Variants in STRBP observed in about 807,000 individuals in gnomAD.
The protein encoded by STRBP is spermatid perinuclear RNA binding protein.
In STRBP, 13 loss-of-function variants were observed where a neutral mutation model predicts 80.1. That is an observed-to-expected ratio of 0.16 (90% confidence interval 0.11 to 0.26). STRBP has a LOEUF of 0.26. Ranked by LOEUF, STRBP falls within the 10% of genes least tolerant of loss-of-function variation. STRBP has a pLI of 1.00. For synonymous variants in STRBP, 284 were observed against 291.2 expected (o/e 0.98, Z 0.25); for missense variants, 485 against 815.2 (o/e 0.59, Z 4.93).
Position 123,115,980 on chromosome 9 carries a change from C to T in STRBP, c.*33G>A, listed in dbSNP as rs1398893189. On this transcript the variant is annotated 3_prime_UTR_variant and NMD_transcript_variant, in exon 3 of 4. Transcript: ENST00000471564. The surrounding 1 kb of genome is among the most constrained non-coding windows in gnomAD (Gnocchi z 5.0). ...AGGTCTCCTCTTCACCAGCCTTAAC[C>T]TTCTGGTCCTTCCATCTCATTTCAA... is the stretch of plus-strand genomic sequence containing the variant. 2.2e-6 allele frequency: 1 copy of T among 456,126 alleles called. No individual in the cohort carries two copies. The highest frequency in any genetic ancestry group is 4.4e-6 in the Non-Finnish European group (1 of 226,972). 28.3% of individuals were successfully genotyped at this position (456,126 alleles called of 1,614,324 possible). A position where few individuals can be genotyped will look rare whatever the true frequency, so the allele number is the denominator to read the frequency against.
rs538170035 is a variant in STRBP, at chr9:123,142,396, G to A, written c.1339-2709C>T. Among the ~76,000 whole-genome samples the A allele has an allele frequency of 3.3e-5, 5 of 152,246 alleles. No homozygotes were observed. In the East Asian group the frequency reaches 9.6e-4, roughly 29 times the overall value. On this transcript the variant is annotated intron_variant, in intron 13 of 18. Transcript: ENST00000348403. ...CTGAGGCCTCCCTAGAAGTCACTAT[G>A]CTTTCTGTACAGTCTGCAGAATTGT...
intron 2 of STRBP, among the ~76,000 whole-genome samples, chr9:123,194,718 C>T (rs1178541348): frequency 6.6e-6 from 1 of 152,110 alleles, no homozygotes. Flanking sequence ...GTATTTAATG[C>T]TGTGAATAAT....
chr9:123,174,018 C>T (rs2038116209), intron 4 of STRBP, among the ~76,000 whole-genome samples, 176 bp from the exon 5 acceptor site: 1 of 152,216 alleles, frequency 6.6e-6, no homozygotes. Context: ...TCTATCTTCC[C>T]TCAAGGAGTC....
chr9:123,239,101 C>A (rs908965987), intron 1 of STRBP, among the ~76,000 whole-genome samples: 1 of 152,100 alleles, frequency 6.6e-6, no homozygotes, highest in African/African-American at 2.4e-5. Context: ...CTAGGCTGGG[C>A]GCGGTAGCTC....
At chr9:123,111,585 ACT>A in intron 3 of STRBP, 1 of 479,490 alleles carries the variant, frequency 2.1e-6, no homozygotes, top group Non-Finnish European at 4.3e-6. Flanking sequence ...TCTGTAAGTA[ACT>A]CCACTGCCTG....
chr9:123,258,343 A>T (rs1407631389), intron 1 of STRBP, among the ~76,000 whole-genome samples: 3 of 152,232 alleles, frequency 2.0e-5, no homozygotes, highest in African/African-American at 4.8e-5. Context: ...TTGGGTAAGG[A>T]GAACCAGAAA....
intron 2 of STRBP, among the ~76,000 whole-genome samples, chr9:123,199,447 T>C (rs917179371): frequency 4.6e-5 from 7 of 152,356 alleles, no homozygotes; most frequent in African/African-American, 1.7e-4. Flanking sequence ...GGGAAGTGCA[T>C]TGAATCTGTA....
Position 123,124,429 on chromosome 9 carries a change from G to A in STRBP, c.*1168C>T. ...ACAGAACAGCACAATGTTACCCACT[G>A]ATCCATTTCCACCAGCATCATCAGG... On this transcript the variant is annotated 3_prime_UTR_variant, in exon 19 of 19. Transcript: ENST00000348403. 1.0e-6 allele frequency: 1 copy of A among 985,392 alleles called. No individual in the cohort carries two copies. Among genetic ancestry groups the A allele is most frequent in the Non-Finnish European group, 1.2e-6 (1 of 829,940 alleles). The allele number at this position is 985,392 out of a possible 1,614,324, so 61.0% of individuals were successfully genotyped here. A position where few individuals can be genotyped will look rare whatever the true frequency, so the allele number is the denominator to read the frequency against.
chr9:123,131,221 C>T (rs183432167), intron 17 of STRBP, among the ~76,000 whole-genome samples: 14 of 152,308 alleles, frequency 9.2e-5, no homozygotes, highest in Non-Finnish European at 1.6e-4. Context: ...GTTCTTCACA[C>T]TATAGAAAGA....
chr9:123,202,504 G>C (rs1391664457), intron 2 of STRBP, among the ~76,000 whole-genome samples: 1 of 152,158 alleles, frequency 6.6e-6, no homozygotes, highest in Non-Finnish European at 1.5e-5. Context: ...GCTGACAGTT[G>C]TTCTGTTTAA....
At chr9:123,256,968 G>C (rs1259153859) in intron 1 of STRBP, among the ~76,000 whole-genome samples, 1 of 150,772 alleles carries the variant, frequency 6.6e-6, no homozygotes, top group African/African-American at 2.4e-5. Context: ...AGAACCAGTC[G>C]TATTTATTTC....
At chr9:123,237,769 C>T (rs921954667) in intron 1 of STRBP, among the ~76,000 whole-genome samples, 3 of 152,160 alleles carry the variant, frequency 2.0e-5, no homozygotes, top group Admixed American at 2.0e-4. Context: ...TGGCAAACCC[C>T]TTACAGCGGG....
intron 5 of STRBP, among the ~76,000 whole-genome samples, chr9:123,171,190 C>T (rs2037990587): frequency 6.6e-6 from 1 of 152,040 alleles, no homozygotes. Context: ...TGTCGATCAC[C>T]ATAAGACACA....
At chr9:123,128,349 G>T in intron 17 of STRBP, 91 bp from the exon 18 acceptor site, 1 of 1,437,546 alleles carries the variant, frequency 7.0e-7, no homozygotes, top group Non-Finnish European at 9.8e-7. Context: ...CAGCACCCTG[G>T]GCCCGGAGGA....
At chr9:123,140,914 T>C (rs1302331353) in intron 13 of STRBP, among the ~76,000 whole-genome samples, 1 of 152,248 alleles carries the variant, frequency 6.6e-6, no homozygotes, top group East Asian at 1.9e-4. Flanking sequence ...TTTAGATGTT[T>C]ACAAGAGAAT....
intron 1 of STRBP, among the ~76,000 whole-genome samples, chr9:123,239,769 T>C (rs1345172911): frequency 1.3e-5 from 2 of 152,244 alleles, no homozygotes; most frequent in East Asian, 3.8e-4. Flanking sequence ...ATACAAATTA[T>C]TCAGTGTAGC....
intron 2 of STRBP, among the ~76,000 whole-genome samples, chr9:123,212,193 G>A (rs1445549956): frequency 6.6e-6 from 1 of 152,008 alleles, no homozygotes; most frequent in Admixed American, 6.6e-5. Context: ...ACACTTCAGG[G>A]GAAGGTAAGA....
chr9:123,130,300 T>C (rs940155390), intron 17 of STRBP, among the ~76,000 whole-genome samples: 1 of 152,192 alleles, frequency 6.6e-6, no homozygotes, highest in Non-Finnish European at 1.5e-5. Flanking sequence ...GTATATAACC[T>C]ATTCATAATC....
At chr9:123,162,512 C>G (rs2037564958) in intron 6 of STRBP, among the ~76,000 whole-genome samples, 2 of 152,128 alleles carry the variant, frequency 1.3e-5, no homozygotes, top group Admixed American at 1.3e-4. Context: ...GCCACCACAC[C>G]CAGCCAATGT....
Sources: gnomAD v4.1 joint callset for allele counts (sites outside exome capture counted in the v4.1 genomes callset) on GRCh38, gnomAD v4.1.1 for gene constraint, Gnocchi (gnomAD v3.1) non-coding constraint, MANE v1.5 for transcripts, NCBI Gene and HGNC (gene_info 2026-07-23, HGNC 2026-07-21) for gene names.